The following DIS3 variants were observed in gnomAD, a reference collection of about 807,000 sequenced individuals.
DIS3 encodes the protein exosome complex exonuclease RRP44.
DIS3 carries 103 observed loss-of-function variants against 113.0 expected under a neutral mutation model. That is an observed-to-expected ratio of 0.91 (90% CI 0.78 to 1.07). The LOEUF (loss-of-function observed/expected upper bound fraction) is 1.07, where lower values mean the gene tolerates loss of function less well. DIS3 is among the 50% of genes least tolerant of loss of function. The pLI is 0.00. For synonymous variants in DIS3, 402 were observed against 394.3 expected (o/e 1.02, Z -0.23); for missense variants, 1,121 against 1,167.1 (o/e 0.96, Z 0.58).
intron 14 of DIS3, 98 bp from the exon 15 acceptor site, chr13:72,766,156 G>C: frequency 3.2e-6 from 3 of 940,484 alleles, no homozygotes; most frequent in Non-Finnish European, 4.6e-6. Context: ...ACTACAGCAA[G>C]TGTGTAATAG....
In DIS3 at chr13:72,780,372, T is replaced by G. The variant is rs376777349; in HGVS notation, c.386+474A>C. Among the ~76,000 whole-genome samples the G allele has an allele frequency of 3.5e-5, 5 of 144,894 alleles. No individual in the cohort carries two copies. The East Asian group carries it at 1.1e-3, about 30-fold the overall frequency. ...AAAAGAATTCTATTCCTTAACCTAA[T>G]CTTGCTCAATGTAATCAGCTGCAAA... On this transcript the variant is annotated intron_variant, in intron 2 of 20. Transcript: ENST00000377767.
chr13:72,775,257 CCTT>C lies in DIS3; in HGVS notation c.938_940del (p.Glu313del), dbSNP rs772285229. 1 of 1,613,446 alleles carries C rather than the reference CCTT, an allele frequency of 6.2e-7. No individual in the cohort carries two copies. The highest frequency in any genetic ancestry group is 2.2e-5 in the East Asian group (1 of 44,842). ...TTTCTCCACATCTTCTTCATTTTGACCTTCATCATGTAAAACCACAGAAGATGG... is the reference window on the plus strand; with the variant it reads ...TTTCTCCACATCTTCTTCATTTTGACCATCATGTAAAACCACAGAAGATGG... On this transcript the variant is annotated inframe_deletion, in exon 6 of 21. Transcript: ENST00000377767.
chr13:72,771,667 C>T (rs1016693106), intron 11 of DIS3, 128 bp downstream of exon 11: 5 of 827,282 alleles, frequency 6.0e-6, no homozygotes, highest in Non-Finnish European at 9.1e-6. Flanking sequence ...CACTCGATAA[C>T]AAAAATTTGC....
In DIS3 at chr13:72,770,924, T is replaced by G; in HGVS notation, c.1735A>C (p.Lys579Gln). Residue 579 changes from lysine (K) to glutamine (Q), a missense_variant, in exon 13 of 21, where the codon AAA becomes CAA. Lys to Gln is a moderately conservative substitution (Grantham distance 53). Around this residue, in one of 3 missense-constraint regions of DIS3, gnomAD observed 861 missense variants for 915.5 expected, o/e 0.94. Coordinates refer to ENST00000377767, the MANE Select transcript of DIS3 (RefSeq NM_014953.5). ...CGAACCTTTGAATTAATAACACTTTTGGTAAACTTCGTTTTTAAGATTTCA... is the reference window on the plus strand; with the variant it reads ...CGAACCTTTGAATTAATAACACTTTGGGTAAACTTCGTTTTTAAGATTTCA... ...NAEILKTKFT[K>Q]SVINSKASLT... The G allele has an allele frequency of 6.2e-7, 1 of 1,605,966 alleles. No homozygotes were observed. The highest frequency in any genetic ancestry group is 8.5e-7 in the Non-Finnish European group (1 of 1,175,764).
rs1007408371 is a variant in DIS3, at chr13:72,777,436, C to A, written c.638G>T (p.Cys213Phe). 1 of 1,613,966 alleles carries A rather than the reference C, an allele frequency of 6.2e-7. No homozygotes were observed. Among genetic ancestry groups the A allele is most frequent in the Admixed American group, 1.7e-5 (1 of 59,996 alleles). The change falls in exon 4 of 21, where the codon TGT becomes TTT. Residue 213 changes from cysteine to phenylalanine, a missense_variant. Transcript: ENST00000377767. ...AAAACATACCCCTTCTTCAGACAAA[C>A]AAGCAAGACGATCTATGAGTTCGGG... is the stretch of plus-strand genomic sequence containing the variant. ...ANPELIDRLA[C>F]LSEEGNEIES...
intron 19 of DIS3, 71 bp from the exon 20 acceptor site, chr13:72,760,722 T>C: frequency 6.5e-7 from 1 of 1,533,394 alleles, no homozygotes; most frequent in Non-Finnish European, 8.8e-7. Context: ...TCCTTTACAA[T>C]TTATCTTACA....
chr13:72,762,831 TAAA>T (rs546972823), intron 16 of DIS3, among the ~76,000 whole-genome samples: 6 of 139,554 alleles, frequency 4.3e-5, no homozygotes, highest in Non-Finnish European at 9.4e-5. Flanking sequence ...AGTAAATAAA[TAAA>T]AAAAAAAAAT....
At chr13:72,776,251 CA>C (rs1380707982) in intron 4 of DIS3, among the ~76,000 whole-genome samples, 159 bp from the exon 5 acceptor site, 1 of 152,036 alleles carries the variant, frequency 6.6e-6, no homozygotes, top group East Asian at 1.9e-4. Context: ...CCAGTGCTAA[CA>C]AAAACAGCTT....
chr13:72,775,925 C>T lies in DIS3; in HGVS notation c.822G>A (p.Glu274=), dbSNP rs1281104953. The T allele has an allele frequency of 1.3e-6, 2 of 1,597,588 alleles. No homozygotes were observed. Among genetic ancestry groups the T allele is most frequent in the Admixed American group, 1.8e-5 (1 of 56,266 alleles). ...WIHGDNEENK[E]IILQGLKHLN... ...ATAAGGAATTTATTTATATACTTGC[C>T]TCTTTATTTTCTTCATTGTCGCCAT... The change falls in exon 5 of 21, where the codon GAG becomes GAA. Residue 274 remains glutamate (E), a splice_region_variant and synonymous_variant. Transcript: ENST00000377767.
Position 72,758,538 on chromosome 13 carries a change from G to GT in DIS3, c.*1256dup, listed in dbSNP as rs1225548539. On this transcript the variant is annotated 3_prime_UTR_variant, in exon 21 of 21. Coordinates refer to ENST00000377767, the MANE Select transcript of DIS3 (RefSeq NM_014953.5). Reference sequence around the variant, plus strand: ...AATGTTCTAGCACTTCACAGAAAAGGTTTTTTGACTCCTACTCTACTGTTT... The same window carrying GT: ...AATGTTCTAGCACTTCACAGAAAAGGTTTTTTTGACTCCTACTCTACTGTTT... 1 of 215,984 alleles carries GT rather than the reference G, an allele frequency of 4.6e-6. No individual in the cohort carries two copies. The highest frequency in any genetic ancestry group is 6.9e-5 in the East Asian group (1 of 14,598). The allele number at this position is 215,984 out of a possible 1,614,324, so 13.4% of individuals were successfully genotyped here.
At chr13:72,768,989 C>G in intron 13 of DIS3, 77 bp from the exon 14 acceptor site, 1 of 923,238 alleles carries the variant, frequency 1.1e-6, no homozygotes, top group South Asian at 1.9e-5. Flanking sequence ...CCTACTTTCA[C>G]TACATAAAAT....
Position 72,781,794 on chromosome 13 carries a change from C to T in DIS3, c.39G>A (p.Ala13=). 1.2e-6 allele frequency: 2 copies of T among 1,604,596 alleles called. No individual in the cohort carries two copies. The highest frequency in any genetic ancestry group is 1.1e-5 in the South Asian group (1 of 89,644). The change falls in exon 1 of 21, where the codon GCG becomes GCA. Residue 13 remains alanine, a synonymous_variant. Coordinates refer to ENST00000377767, the MANE Select transcript of DIS3 (RefSeq NM_014953.5). ...CGCGCACGATCTTCATCACGCCGCC[C>T]GCCCGGGTCTTTTTTAAGAACGTCT... ...KSKTFLKKTR[A]GGVMKIVREH...
rs997921647 is a variant in DIS3 at position 72,771,138 on chromosome 13, T to C, written c.1613A>G (p.Asp538Gly). The change falls in exon 12 of 21, where the codon GAC (aspartate) becomes GGC (glycine). Residue 538 changes from aspartate (D) to glycine (G), a missense_variant. Asp to Gly is a moderately conservative substitution (Grantham distance 94). Transcript: ENST00000377767. ...AGAGCTAAGCAACTCTGGAACCATG[T>C]CAATCCTCTGCAAAAGATAAAAATA... ...TTVYLCEKRI[D>G]MVPELLSSNL... is the part of the protein sequence containing the mutation. 6.2e-7 allele frequency: 1 copy of C among 1,613,358 alleles called. No homozygotes were observed. The highest frequency in any genetic ancestry group is 8.5e-7 in the Non-Finnish European group (1 of 1,179,548).
chr13:72,756,034 A>G lies in DIS3; in HGVS notation c.*3761T>C, dbSNP rs993215436. On this transcript the variant is annotated 3_prime_UTR_variant, in exon 21 of 21. Transcript: ENST00000377767. ...TGAAGTAACACTGGGGCAGATATGTATGTTATATACAACTATTTTTTTAAA... is the reference window on the plus strand; with the variant it reads ...TGAAGTAACACTGGGGCAGATATGTGTGTTATATACAACTATTTTTTTAAA... 5.0e-6 allele frequency: 2 copies of G among 398,322 alleles called. No individual in the cohort carries two copies. Among genetic ancestry groups the G allele is most frequent in the Non-Finnish European group, 8.9e-6 (2 of 225,960 alleles). 24.7% of individuals were successfully genotyped at this position (398,322 alleles called of 1,614,324 possible).
chr13:72,759,849 A>C lies in DIS3; in HGVS notation c.2823T>G (p.Thr941=), dbSNP rs2033582264. The stretch of plus-strand genomic sequence containing the variant: ...TTGGTCCATTAAGGTCCATGTTTGA[A>C]GTATCAGTAGGAATGCTTATTCCTG... ...QIPGISIPTD[T]SNMDLNGPKK... is the part of the protein sequence containing the mutation. The change falls in exon 21 of 21, where the codon ACT becomes ACG. Residue 941 remains threonine (T), a synonymous_variant. Coordinates refer to ENST00000377767, the MANE Select transcript of DIS3 (RefSeq NM_014953.5). 6.2e-7 allele frequency: 1 copy of C among 1,613,302 alleles called. No individual in the cohort carries two copies. The highest frequency in any genetic ancestry group is 1.1e-5 in the South Asian group (1 of 90,976).
At position 72,755,138 on chromosome 13, in the gene DIS3, T is replaced by C; in HGVS notation, c.*4657A>G. On this transcript the variant is annotated 3_prime_UTR_variant, in exon 21 of 21. Transcript: ENST00000377767. ...CTTAAACTGAAAACAAGGTATTGTC[T>C]TCTTTTTCACAGCAAGACCACACAA... 1 of 1,613,054 alleles carries C rather than the reference T, an allele frequency of 6.2e-7. No homozygotes were observed. Among genetic ancestry groups the C allele is most frequent in the Non-Finnish European group, 8.5e-7 (1 of 1,179,354 alleles).
At position 72,753,691 on chromosome 13, in the gene DIS3, T is replaced by C. The variant is rs774778848; in HGVS notation, c.*6104A>G. On this transcript the variant is annotated 3_prime_UTR_variant, in exon 21 of 21. Coordinates refer to ENST00000377767, the MANE Select transcript of DIS3 (RefSeq NM_014953.5). ...TTTTTTTCTTTTTTCTCCTGTCAGA[T>C]GGATAGTGGCTATAATACGCAGAAT... The C allele has an allele frequency of 6.2e-7, 1 of 1,607,328 alleles. No homozygotes were observed. Among genetic ancestry groups the C allele is most frequent in the Non-Finnish European group, 8.5e-7 (1 of 1,177,706 alleles).
chr13:72,759,761 G>C lies in DIS3; in HGVS notation c.*34C>G, dbSNP rs1022510837. 2 of 1,567,178 alleles carry C rather than the reference G, an allele frequency of 1.3e-6. No homozygotes were observed. Among genetic ancestry groups the C allele is most frequent in the Non-Finnish European group, 1.7e-6 (2 of 1,147,090 alleles). The stretch of plus-strand genomic sequence containing the variant: ...CTTTCAAGTTTTTTCTTTTAAAAAA[G>C]AAACCAGTCTTTGAAGATTTTTGTT... On this transcript the variant is annotated 3_prime_UTR_variant, in exon 21 of 21. Coordinates refer to ENST00000377767, the MANE Select transcript of DIS3 (RefSeq NM_014953.5).
At chr13:72,777,314 G>T in intron 4 of DIS3, 106 bp downstream of exon 4, 2 of 1,039,200 alleles carry the variant, frequency 1.9e-6, no homozygotes, top group Non-Finnish European at 2.9e-6. Flanking sequence ...TCCAAATCCA[G>T]CTTACCCACC....
Sources: allele counts gnomAD v4.1 joint callset (sites outside exome capture counted in the v4.1 genomes callset), GRCh38; gene constraint gnomAD v4.1.1; regional missense constraint gnomAD v4.1.1; transcripts MANE v1.5; gene names NCBI Gene and HGNC (gene_info 2026-07-23, HGNC 2026-07-21).